Variants in CLNK observed in about 807,000 individuals in gnomAD.
The protein encoded by CLNK is cytokine dependent hematopoietic cell linker, also known as cytokine-dependent hematopoietic cell linker.
Under a neutral mutation model 68.6 loss-of-function variants are expected in CLNK, and 74 were observed. The ratio of observed to expected loss-of-function variants is 1.08; its 90% CI spans 0.89 to 1.31. The LOEUF (loss-of-function observed/expected upper bound fraction) is 1.31, where lower values mean the gene tolerates loss of function less well. Ranked by LOEUF, CLNK falls within the 50% of genes most tolerant of loss-of-function variation. The probability of loss-of-function intolerance (pLI) is 0.00; values close to 1 mark genes in which losing one functional copy is unlikely to be tolerated. For synonymous variants in CLNK, 198 were observed against 172.2 expected (o/e 1.15, Z -1.17); for missense variants, 553 against 515.3 (o/e 1.07, Z -0.71).
In CLNK at chr4:10,542,587, A is replaced by AG. The variant is rs200120877; in HGVS notation, c.446-308dup. ...TTCATTGCACATCGTGTGACTCTTAAGACCCCTTTGAAACCACGGATTCCT... is the reference window on the plus strand; with the variant it reads ...TTCATTGCACATCGTGTGACTCTTAAGGACCCCTTTGAAACCACGGATTCCT... On this transcript the variant is annotated intron_variant, in intron 8 of 18. Coordinates refer to ENST00000226951, the MANE Select transcript of CLNK (RefSeq NM_052964.4). Among the ~76,000 whole-genome samples, 1,147 of 151,968 alleles carry AG rather than the reference A, an allele frequency of 7.5e-3. 10 individuals are homozygous for AG. Among genetic ancestry groups the AG allele is most frequent in the Middle Eastern group, 0.041 (12 of 294 alleles).
rs1716508506 is a variant in CLNK, at chr4:10,490,220, T to C, written c.*247A>G. On this transcript the variant is annotated 3_prime_UTR_variant, in exon 19 of 19. Transcript: ENST00000226951. ...GAAGATACTTTTAAAACCCTAGTTT[T>C]TATTTTTATTTATTTTCCAGTGGCC... 2.6e-6 allele frequency: 1 copy of C among 380,972 alleles called. No homozygotes were observed. The highest frequency in any genetic ancestry group is 4.6e-6 in the Non-Finnish European group (1 of 216,286). The allele number at this position is 380,972 out of a possible 1,614,324, so 23.6% of individuals were successfully genotyped here. A position where few individuals can be genotyped will look rare whatever the true frequency, so the allele number is the denominator to read the frequency against.
intron 2 of CLNK, among the ~76,000 whole-genome samples, chr4:10,666,972 C>T (rs886737067): frequency 1.3e-5 from 2 of 152,222 alleles, no homozygotes; most frequent in South Asian, 4.1e-4. Context: ...GAGGTACAGT[C>T]ATTGCAGTCC....
intron 8 of CLNK, among the ~76,000 whole-genome samples, chr4:10,555,885 G>C (rs1254029515): frequency 6.6e-6 from 1 of 152,090 alleles, no homozygotes; most frequent in African/African-American, 2.4e-5. Flanking sequence ...TTCCAGCCTT[G>C]TTCTAGATAT....
At chr4:10,611,110 G>A (rs900606977) in intron 2 of CLNK, among the ~76,000 whole-genome samples, 8 of 152,322 alleles carry the variant, frequency 5.3e-5, no homozygotes, top group African/African-American at 1.9e-4. Flanking sequence ...ATGAGGTCAG[G>A]AGATCAAGAC....
intron 2 of CLNK, among the ~76,000 whole-genome samples, chr4:10,650,912 A>T (rs1435252593): frequency 6.6e-6 from 1 of 152,210 alleles, no homozygotes; most frequent in African/African-American, 2.4e-5. Flanking sequence ...GACACTTCTC[A>T]AAAGAAGACA....
At chr4:10,706,445 G>T in the CLNK span, among the ~76,000 whole-genome samples, 4 of 152,198 alleles carry the variant, frequency 2.6e-5, no homozygotes, top group African/African-American at 9.6e-5. Context: ...TATAGATAGA[G>T]ATGCCAAAAT....
intron 4 of CLNK, among the ~76,000 whole-genome samples, chr4:10,577,532 A>G (rs1023276094): frequency 6.6e-6 from 1 of 152,234 alleles, no homozygotes; most frequent in East Asian, 1.9e-4. Flanking sequence ...GGTCAATGGA[A>G]TCTAGGTAGA....
At chr4:10,658,336 A>G (rs1324913895) in intron 2 of CLNK, among the ~76,000 whole-genome samples, 2 of 152,222 alleles carry the variant, frequency 1.3e-5, no homozygotes, top group African/African-American at 4.8e-5. Flanking sequence ...AGGCCCTTGC[A>G]TGAAGCAATG....
intron 11 of CLNK, among the ~76,000 whole-genome samples, chr4:10,537,165 G>A (rs1389951610): frequency 6.6e-6 from 1 of 152,192 alleles, no homozygotes; most frequent in African/African-American, 2.4e-5. Flanking sequence ...AAGCCAGGAT[G>A]ATAACCACTG....
intron 2 of CLNK, among the ~76,000 whole-genome samples, chr4:10,614,241 T>C (rs1048438360): frequency 6.6e-6 from 1 of 152,246 alleles, no homozygotes; most frequent in Non-Finnish European, 1.5e-5. Flanking sequence ...AGACATCTTG[T>C]GTGTATGGTA....
intron 14 of CLNK, 91 bp from the exon 15 acceptor site, chr4:10,520,922 T>C (rs1718034382): frequency 1.1e-6 from 1 of 897,816 alleles, no homozygotes; most frequent in Admixed American, 2.0e-5. Flanking sequence ...GATAATAGCC[T>C]GAAGTCACAG....
intron 7 of CLNK, among the ~76,000 whole-genome samples, chr4:10,561,073 A>T (rs1320560785): frequency 4.6e-5 from 7 of 150,902 alleles, no homozygotes; most frequent in African/African-American, 9.8e-5. Context: ...TTTTTTTTTT[A>T]ATTTTTTTTT....
intron 2 of CLNK, among the ~76,000 whole-genome samples, chr4:10,619,477 C>T (rs2108859683): frequency 6.6e-6 from 1 of 152,180 alleles, no homozygotes; most frequent in East Asian, 1.9e-4. Context: ...TTTGAGCTAC[C>T]ATCCCTCCCA....
At chr4:10,540,352 G>T in intron 11 of CLNK, 142 bp downstream of exon 11, 1 of 613,676 alleles carries the variant, frequency 1.6e-6, no homozygotes, top group Non-Finnish European at 3.0e-6. Context: ...ACCCAGTCTT[G>T]GTTATGTCTT....
intron 2 of CLNK, among the ~76,000 whole-genome samples, chr4:10,606,064 TTA>T (rs1344606906): frequency 4.6e-5 from 7 of 152,132 alleles, no homozygotes; most frequent in African/African-American, 7.2e-5. Flanking sequence ...CTGTAATTTT[TTA>T]TGTTATTAAT....
At chr4:10,589,883 T>C (rs1395238431) in intron 3 of CLNK, among the ~76,000 whole-genome samples, 2 of 152,230 alleles carry the variant, frequency 1.3e-5, no homozygotes, top group Admixed American at 6.5e-5. Flanking sequence ...AAGCTGCCTC[T>C]TGCCAGGGAA....
intron 2 of CLNK, among the ~76,000 whole-genome samples, chr4:10,622,715 A>T (rs1722505084): frequency 6.6e-6 from 1 of 152,248 alleles, no homozygotes; most frequent in South Asian, 2.1e-4. Context: ...GATTTTTATT[A>T]TGAAAATATC....
In CLNK at chr4:10,489,868, A is replaced by C. The variant is rs1716494197; in HGVS notation, c.*599T>G. 6.6e-6 allele frequency: 1 copy of C among 152,126 alleles called. No individual in the cohort carries two copies. Among genetic ancestry groups the C allele is most frequent in the African/African-American group, 2.4e-5 (1 of 41,346 alleles). 9.4% of individuals were successfully genotyped at this position (152,126 alleles called of 1,614,324 possible). A position where few individuals can be genotyped will look rare whatever the true frequency, so the allele number is the denominator to read the frequency against. ...TTTTTAGTAGACATGGGGTTTCACCATGTTAGCCAGGATGGTCTTGATCTC... is the reference window on the plus strand; with the variant it reads ...TTTTTAGTAGACATGGGGTTTCACCCTGTTAGCCAGGATGGTCTTGATCTC... On this transcript the variant is annotated 3_prime_UTR_variant, in exon 19 of 19. Coordinates refer to ENST00000226951, the MANE Select transcript of CLNK (RefSeq NM_052964.4).
At chr4:10,703,961 A>G in the CLNK span, among the ~76,000 whole-genome samples, 1 of 152,234 alleles carries the variant, frequency 6.6e-6, no homozygotes, top group Non-Finnish European at 1.5e-5. Flanking sequence ...TGTCACATAA[A>G]CACAGACAGA....
Sources: allele counts gnomAD v4.1 joint callset (sites outside exome capture counted in the v4.1 genomes callset), GRCh38; gene constraint gnomAD v4.1.1; transcripts MANE v1.5; gene names NCBI Gene and HGNC (gene_info 2026-07-23, HGNC 2026-07-21).